CNTLN: variants seen among roughly 807,000 people sequenced by gnomAD.
CNTLN encodes the protein centlein, centrosomal protein.
A neutral mutation model predicts 180.0 loss-of-function variants in CNTLN; 212 were observed. The ratio of observed to expected loss-of-function variants is 1.18; its 90% CI spans 1.05 to 1.32. The LOEUF is 1.32. Among genes scored for constraint, CNTLN ranks in the 40% most tolerant of loss-of-function variants. The pLI is 0.00. For synonymous variants in CNTLN, 722 were observed against 563.1 expected (o/e 1.28, Z -3.99); for missense variants, 2,095 against 1,610.9 (o/e 1.30, Z -5.14).
At chr9:17,389,221 C>A (rs1825913349) in intron 14 of CNTLN, among the ~76,000 whole-genome samples, 1 of 152,000 alleles carries the variant, frequency 6.6e-6, no homozygotes, top group Non-Finnish European at 1.5e-5. Flanking sequence ...TGACACATAT[C>A]AAGTTAACAT....
the CNTLN span, among the ~76,000 whole-genome samples, chr9:17,528,447 G>A: frequency 4.6e-5 from 7 of 152,258 alleles, no homozygotes; most frequent in East Asian, 5.8e-4. Flanking sequence ...CAAAATACTC[G>A]ACCAGAGCTC....
chr9:17,209,125 G>A (rs1823114794), intron 2 of CNTLN, among the ~76,000 whole-genome samples: 1 of 151,970 alleles, frequency 6.6e-6, no homozygotes, highest in Admixed American at 6.6e-5. Flanking sequence ...TTGTTTTGTT[G>A]AGTTTACATT....
At chr9:17,211,951 G>T (rs1004091899) in intron 2 of CNTLN, among the ~76,000 whole-genome samples, 4 of 152,058 alleles carry the variant, frequency 2.6e-5, no homozygotes, top group Admixed American at 6.6e-5. Flanking sequence ...TAAGGAGATT[G>T]GGGCTGAGAC....
chr9:17,186,169 AT>A (rs1821424873), intron 2 of CNTLN, among the ~76,000 whole-genome samples: 1 of 152,034 alleles, frequency 6.6e-6, no homozygotes, highest in Non-Finnish European at 1.5e-5. Flanking sequence ...TTCTTATAGG[AT>A]TTTCCATATT....
chr9:17,192,017 G>A (rs568522575), intron 2 of CNTLN, among the ~76,000 whole-genome samples: 80 of 152,096 alleles, frequency 5.3e-4, no homozygotes, highest in African/African-American at 1.9e-3. Context: ...TTTTTAGAAT[G>A]ATACATTTTA....
chr9:17,332,413 C>T (rs1278688534), intron 9 of CNTLN, among the ~76,000 whole-genome samples, 192 bp from the exon 10 acceptor site: 1 of 151,568 alleles, frequency 6.6e-6, no homozygotes, highest in Non-Finnish European at 1.5e-5. Flanking sequence ...TTCTCATTAA[C>T]GAGTCACAGA....
At chr9:17,432,415 T>C (rs1238707981) in intron 18 of CNTLN, among the ~76,000 whole-genome samples, 1 of 152,130 alleles carries the variant, frequency 6.6e-6, no homozygotes, top group East Asian at 1.9e-4. Flanking sequence ...GCTTCAGAAT[T>C]AGTTAACTGG....
At chr9:17,334,558 T>G (rs933303371) in intron 10 of CNTLN, among the ~76,000 whole-genome samples, 1 of 152,166 alleles carries the variant, frequency 6.6e-6, no homozygotes, top group Non-Finnish European at 1.5e-5. Flanking sequence ...GTATAAGATC[T>G]GTAGTCGCTC....
At chr9:17,332,578 C>T in intron 9 of CNTLN, 27 bp from the exon 10 acceptor site, 1 of 1,580,096 alleles carries the variant, frequency 6.3e-7, no homozygotes, top group Non-Finnish European at 8.6e-7. Context: ...CCAACTAGTT[C>T]AACCATGTCC....
intron 2 of CNTLN, chr9:17,166,900 C>A: frequency 2.2e-6 from 1 of 459,876 alleles, no homozygotes; most frequent in Non-Finnish European, 4.5e-6. Flanking sequence ...ATGTGAGATC[C>A]AACACATGAA....
intron 18 of CNTLN, among the ~76,000 whole-genome samples, chr9:17,434,590 T>C (rs1490315596): frequency 6.6e-6 from 1 of 152,114 alleles, no homozygotes; most frequent in Non-Finnish European, 1.5e-5. Flanking sequence ...GGCTAGTCTG[T>C]GTATATTTCC....
Position 17,366,721 on chromosome 9 carries a change from A to C in CNTLN, c.1987+4A>C. 1.4e-6 allele frequency: 2 copies of C among 1,466,736 alleles called. No individual in the cohort carries two copies. Among genetic ancestry groups the C allele is most frequent in the South Asian group, 1.2e-5 (1 of 82,310 alleles). 90.9% of individuals were successfully genotyped at this position (1,466,736 alleles called of 1,614,324 possible). On this transcript the variant is annotated splice_donor_region_variant and intron_variant, in intron 13 of 25. Transcript: ENST00000380647. ...TGTGTGGCAGAGAGAAGAGAAGGTA[A>C]ATTTTCAGAAAATAAATACTTAACA...
chr9:17,147,515 C>T (rs938231029), intron 2 of CNTLN, among the ~76,000 whole-genome samples: 4 of 152,082 alleles, frequency 2.6e-5, no homozygotes, highest in African/African-American at 9.7e-5. Context: ...CTGTAGACTT[C>T]TATTTAGGTT....
intron 18 of CNTLN, among the ~76,000 whole-genome samples, chr9:17,454,138 T>G (rs1204187080): frequency 6.6e-6 from 1 of 152,228 alleles, no homozygotes; most frequent in Non-Finnish European, 1.5e-5. Flanking sequence ...GAGTAAGTTT[T>G]TCAGTACATT....
chr9:17,145,616 C>A (rs1242752797), intron 2 of CNTLN, among the ~76,000 whole-genome samples: 1 of 152,088 alleles, frequency 6.6e-6, no homozygotes, highest in Non-Finnish European at 1.5e-5. Flanking sequence ...TGTCTACGTC[C>A]TTTGTCAGAC....
At chr9:17,161,927 A>C (rs1819709758) in intron 2 of CNTLN, among the ~76,000 whole-genome samples, 1 of 151,772 alleles carries the variant, frequency 6.6e-6, no homozygotes, top group Non-Finnish European at 1.5e-5. Context: ...TTCTATGGTT[A>C]ATCTTTTTTG....
intron 5 of CNTLN, among the ~76,000 whole-genome samples, chr9:17,264,985 A>G (rs1827301117): frequency 6.9e-6 from 1 of 144,850 alleles, no homozygotes; most frequent in Non-Finnish European, 1.5e-5. Context: ...GTCATCTGCA[A>G]ACAGGGACAA....
In CNTLN at chr9:17,388,274, T is replaced by C. The variant is rs371207317; in HGVS notation, c.2079+21T>C. 114 of 1,487,914 alleles carry C rather than the reference T, an allele frequency of 7.7e-5. No individual in the cohort carries two copies. The East Asian group carries it at 1.1e-3, about 15-fold the overall frequency. 92.2% of individuals were successfully genotyped at this position (1,487,914 alleles called of 1,614,324 possible). A position where few individuals can be genotyped will look rare whatever the true frequency, so the allele number is the denominator to read the frequency against. On this transcript the variant is annotated intron_variant, in intron 14 of 25. Coordinates refer to ENST00000380647, the MANE Select transcript of CNTLN (RefSeq NM_017738.4). ...AGAAGGTAGTCTAATCTTTAAGATA[T>C]TGAGCTGAGCAAGTTAAATCTGAAT...
chr9:17,179,668 A>G (rs917187256), intron 2 of CNTLN, among the ~76,000 whole-genome samples: 2 of 152,198 alleles, frequency 1.3e-5, no homozygotes, highest in East Asian at 1.9e-4. Context: ...TTCCATAAAT[A>G]TTGATTAGAT....
Sources: gnomAD v4.1 joint callset for allele counts (sites outside exome capture counted in the v4.1 genomes callset) on GRCh38, gnomAD v4.1.1 for gene constraint, MANE v1.5 for transcripts, NCBI Gene and HGNC (gene_info 2026-07-23, HGNC 2026-07-21) for gene names.